CACNG5: variants seen among roughly 807,000 people sequenced by gnomAD.
The protein encoded by CACNG5 is voltage-dependent calcium channel gamma-5 subunit.
Under a neutral mutation model 24.8 loss-of-function variants are expected in CACNG5, and 18 were observed. The ratio of observed to expected loss-of-function variants is 0.73; its 90% CI spans 0.50 to 1.08. The LOEUF (loss-of-function observed/expected upper bound fraction) is 1.08. Among genes scored for constraint, CACNG5 ranks in the 50% least tolerant of loss-of-function variants. CACNG5 has a pLI of 0.00. For missense variants in CACNG5, 349 were observed against 367.9 expected (o/e 0.95, Z 0.42); for synonymous variants, 157 against 149.1 (o/e 1.05, Z -0.39).
At chr17:66,873,095 G>C in intron 1 of CACNG5, among the ~76,000 whole-genome samples, 1 of 152,144 alleles carries the variant, frequency 6.6e-6, no homozygotes, top group Non-Finnish European at 1.5e-5. Flanking sequence ...CTAACCCTGA[G>C]TTTCTCCATC....
At chr17:66,874,624 G>C (rs1977050587) in intron 1 of CACNG5, among the ~76,000 whole-genome samples, 1 of 152,152 alleles carries the variant, frequency 6.6e-6, no homozygotes, top group African/African-American at 2.4e-5. Flanking sequence ...ATTCCTGAGG[G>C]ATTCCATGAC....
At chr17:66,835,736 G>A (rs1976474664) in intron 1 of CACNG5, among the ~76,000 whole-genome samples, 1 of 152,138 alleles carries the variant, frequency 6.6e-6, no homozygotes, top group African/African-American at 2.4e-5. Flanking sequence ...GGGACCCGGG[G>A]CTTCCTTCTC....
At chr17:66,858,978 G>A (rs755874721) in intron 1 of CACNG5, among the ~76,000 whole-genome samples, 5 of 152,174 alleles carry the variant, frequency 3.3e-5, no homozygotes, top group Non-Finnish European at 5.9e-5. Context: ...CCACCTTCCA[G>A]GGCCATGAGA....
chr17:66,893,320 G>A lies in CACNG5; in HGVS notation c.*8080G>A, dbSNP rs930609716. 1.3e-5 allele frequency among the ~76,000 whole-genome samples: 2 copies of A among 152,186 alleles called. No homozygotes were observed. Among genetic ancestry groups the A allele is most frequent in the Non-Finnish European group, 2.9e-5 (2 of 68,046 alleles). On this transcript the variant is annotated 3_prime_UTR_variant, in exon 6 of 6. Transcript: ENST00000533854. ...AGGTCTAAATGCAAACAACGGTGAT[G>A]TGTCGTTTCCTGAAAGCCTCTACAC...
In CACNG5 at chr17:66,889,364, G is replaced by A. The variant is rs1281226885; in HGVS notation, c.*4124G>A. ...TTACCAGGGCTGCATGCAGAGCTGG[G>A]GTGGGGGCGTGGGGGAAATCCATAG... On this transcript the variant is annotated 3_prime_UTR_variant, in exon 6 of 6. Transcript: ENST00000533854. Among the ~76,000 whole-genome samples the A allele has an allele frequency of 1.3e-5, 2 of 152,164 alleles. No individual in the cohort carries two copies. Among genetic ancestry groups the A allele is most frequent in the African/African-American group, 4.8e-5 (2 of 41,438 alleles).
rs549446177 is a variant in CACNG5 at position 66,881,263 on chromosome 17, T to C, written c.424+566T>C. ...ATCTGGGATTGGAACCCAGGGTTCCTTCCTCACTCCACACATCACTGCACC... is the reference window on the plus strand; with the variant it reads ...ATCTGGGATTGGAACCCAGGGTTCCCTCCTCACTCCACACATCACTGCACC... On this transcript the variant is annotated intron_variant, in intron 4 of 5. Transcript: ENST00000533854. Among the ~76,000 whole-genome samples the C allele has an allele frequency of 3.8e-4, 58 of 152,306 alleles. 1 individual carries two copies. Among genetic ancestry groups the C allele is most frequent in the Admixed American group, 3.4e-3 (52 of 15,302 alleles).
At chr17:66,842,085 C>T (rs371454537) in intron 1 of CACNG5, among the ~76,000 whole-genome samples, 7 of 149,908 alleles carry the variant, frequency 4.7e-5, no homozygotes, top group South Asian at 2.1e-4. Flanking sequence ...CGGCTCTCTC[C>T]GGCCCCACTG....
At position 66,893,236 on chromosome 17, in the gene CACNG5, C is replaced by T. The variant is rs1977369197; in HGVS notation, c.*7996C>T. On this transcript the variant is annotated 3_prime_UTR_variant, in exon 6 of 6. Transcript: ENST00000533854. ...AAATGTTCTGCATGGTAAATGTACC[C>T]TCTTCTATAATCAGAGAAATAATCC... 6.6e-6 allele frequency among the ~76,000 whole-genome samples: 1 copy of T among 152,154 alleles called. No individual in the cohort carries two copies. Among genetic ancestry groups the T allele is most frequent in the Non-Finnish European group, 1.5e-5 (1 of 68,024 alleles).
chr17:66,837,763 A>G (rs1976500555), intron 1 of CACNG5, among the ~76,000 whole-genome samples: 1 of 152,014 alleles, frequency 6.6e-6, no homozygotes, highest in African/African-American at 2.4e-5. Context: ...GGGAAAGAGA[A>G]GCTTGGGGAG....
At chr17:66,843,645 C>T (rs993833821) in intron 1 of CACNG5, among the ~76,000 whole-genome samples, 2 of 152,092 alleles carry the variant, frequency 1.3e-5, no homozygotes, top group Non-Finnish European at 2.9e-5. Context: ...AGCAAGGATG[C>T]TGCAGGGGGG....
At chr17:66,870,634 C>T (rs530063526) in intron 1 of CACNG5, among the ~76,000 whole-genome samples, 99 of 152,254 alleles carry the variant, frequency 6.5e-4, no homozygotes, top group Non-Finnish European at 1.0e-3. Context: ...CCTGAGTGAA[C>T]GCCAGAGAAA....
chr17:66,891,142 T>A lies in CACNG5; in HGVS notation c.*5902T>A, dbSNP rs898017051. On this transcript the variant is annotated 3_prime_UTR_variant, in exon 6 of 6. Transcript: ENST00000533854. ...AGGGAAGAGAAGGGTGGTCTTTTTC[T>A]CTATGTTTTTCTAAGGAATAAAGAC... Among the ~76,000 whole-genome samples, 1 of 152,116 alleles carries A rather than the reference T, an allele frequency of 6.6e-6. No individual in the cohort carries two copies. The highest frequency in any genetic ancestry group is 1.5e-5 in the Non-Finnish European group (1 of 68,018).
At chr17:66,846,109 T>C (rs1351580843) in intron 1 of CACNG5, among the ~76,000 whole-genome samples, 1 of 152,112 alleles carries the variant, frequency 6.6e-6, no homozygotes, top group Non-Finnish European at 1.5e-5. Flanking sequence ...TCCTTTAATA[T>C]CCTCCCCCAG....
In CACNG5 at chr17:66,889,267, C is replaced by T. The variant is rs543599357; in HGVS notation, c.*4027C>T. On this transcript the variant is annotated 3_prime_UTR_variant, in exon 6 of 6. Coordinates refer to ENST00000533854, the MANE Select transcript of CACNG5 (RefSeq NM_145811.3). ...TGAGCCACTGTGCCCATCCTCTACC[C>T]TCTTTCTTGTCCCATGGGTGAGTCA... Among the ~76,000 whole-genome samples, 39 of 152,188 alleles carry T rather than the reference C, an allele frequency of 2.6e-4. No individual in the cohort carries two copies. The highest frequency in any genetic ancestry group is 4.6e-4 in the Non-Finnish European group (31 of 68,038).
chr17:66,870,745 G>T (rs749851329), intron 1 of CACNG5, among the ~76,000 whole-genome samples: 4 of 152,150 alleles, frequency 2.6e-5, no homozygotes, highest in African/African-American at 9.7e-5. Context: ...TTGAGAGGCC[G>T]AGGCAGGTGA....
chr17:66,865,478 G>A (rs569689662), intron 1 of CACNG5, among the ~76,000 whole-genome samples: 7 of 151,988 alleles, frequency 4.6e-5, no homozygotes, highest in Non-Finnish European at 7.4e-5. Context: ...GCTGAGCAGA[G>A]CCCAGGTTCC....
In CACNG5 at chr17:66,835,231, G is replaced by A. The variant is rs1049075899; in HGVS notation, c.-123G>A. 2 of 152,346 alleles carry A rather than the reference G, an allele frequency of 1.3e-5. No individual in the cohort carries two copies. Among genetic ancestry groups the A allele is most frequent in the African/African-American group, 2.4e-5 (1 of 41,478 alleles). 9.4% of individuals were successfully genotyped at this position (152,346 alleles called of 1,614,324 possible). On this transcript the variant is annotated 5_prime_UTR_variant, in exon 1 of 6. Coordinates refer to ENST00000533854, the MANE Select transcript of CACNG5 (RefSeq NM_145811.3). ...GAGGGACATTGGACCAGGGTCGGGG[G>A]TCGCGGCCGCTCCAGCGAGGTAAGA... is the stretch of plus-strand genomic sequence containing the variant.
At chr17:66,865,796 ATTTTTTT>A (rs35187215) in intron 1 of CACNG5, among the ~76,000 whole-genome samples, 2 of 129,842 alleles carry the variant, frequency 1.5e-5, no homozygotes, top group African/African-American at 5.6e-5. Context: ...TGCACGGCTA[ATTTTTTT>A]TTTTTTTTTT....
intron 1 of CACNG5, among the ~76,000 whole-genome samples, chr17:66,871,578 C>G (rs1220816602): frequency 6.6e-6 from 1 of 152,192 alleles, no homozygotes; most frequent in East Asian, 1.9e-4. Context: ...CAAGACATTT[C>G]TCCCTAATTG....
Sources: allele counts gnomAD v4.1 joint callset (sites outside exome capture counted in the v4.1 genomes callset), GRCh38; gene constraint gnomAD v4.1.1; transcripts MANE v1.5; gene names NCBI Gene and HGNC (gene_info 2026-07-23, HGNC 2026-07-21).